The following PRDM16 variants were observed in gnomAD, a reference collection of about 807,000 sequenced individuals.
PRDM16 encodes histone-lysine N-methyltransferase PRDM16.
In PRDM16, 23 loss-of-function variants were observed where a neutral mutation model predicts 110.6. The observed-to-expected ratio is 0.21, with a 90% CI of 0.15 to 0.29. The LOEUF (loss-of-function observed/expected upper bound fraction) is 0.29, where lower values mean the gene tolerates loss of function less well. PRDM16 is among the 10% of genes least tolerant of loss of function. The pLI is 1.00. For synonymous variants in PRDM16, 799 were observed against 781.8 expected, an observed-to-expected ratio of 1.02 and a Z score of -0.37; for missense variants, 1,615 against 1,794.3, an observed-to-expected ratio of 0.90 and a Z score of 1.81.
At chr1:3,344,180 A>G (rs1570107800) in intron 3 of PRDM16, among the ~76,000 whole-genome samples, 3 of 152,282 alleles carry the variant, frequency 2.0e-5, no homozygotes, top group Admixed American at 2.0e-4. Flanking sequence ...CTACAAAAAC[A>G]TTAAACAATT....
At chr1:3,247,068 C>T (rs947342282) in intron 3 of PRDM16, among the ~76,000 whole-genome samples, 1 of 152,080 alleles carries the variant, frequency 6.6e-6, no homozygotes. Context: ...AGGATGAGAA[C>T]TCTGGTTTAG....
Position 3,411,593 on chromosome 1 carries a change from A to G in PRDM16, c.1396A>G (p.Ser466Gly). The change falls in exon 9 of 17, where the codon AGC becomes GGC. Residue 466 changes from serine (S) to glycine (G), a missense_variant. Ser to Gly is a moderately conservative substitution (Grantham distance 56). Coordinates refer to ENST00000270722, the MANE Select transcript of PRDM16 (RefSeq NM_022114.4). ...TGCCCCGGGCCTGCCCTTGACCCCC[A>G]GCCCCATGATGGACAAGGCAAAACC... ...IFAPGLPLTPSPMMDKAKPSP... is the reference protein window; with the variant it reads ...IFAPGLPLTPGPMMDKAKPSP... The G allele has an allele frequency of 6.2e-7, 1 of 1,613,950 alleles. No homozygotes were observed. The highest frequency in any genetic ancestry group is 8.5e-7 in the Non-Finnish European group (1 of 1,179,986).
chr1:3,252,466 G>A (rs1173362614), intron 3 of PRDM16, among the ~76,000 whole-genome samples: 2 of 152,194 alleles, frequency 1.3e-5, no homozygotes, highest in Non-Finnish European at 2.9e-5. Context: ...GGCCTCATGT[G>A]CCCAGTGGGG....
chr1:3,242,143 G>A (rs1266357388), intron 2 of PRDM16, among the ~76,000 whole-genome samples: 3 of 152,226 alleles, frequency 2.0e-5, no homozygotes, highest in Non-Finnish European at 4.4e-5. Context: ...GCTCTGGGTG[G>A]GTACGTGGGT....
chr1:3,183,007 C>T (rs1166742456), intron 1 of PRDM16, among the ~76,000 whole-genome samples: 2 of 152,188 alleles, frequency 1.3e-5, no homozygotes, highest in African/African-American at 4.8e-5. Context: ...GCCTCAGTAC[C>T]CTGGAATGAG....
At chr1:3,187,390 C>T (rs909127633) in intron 2 of PRDM16, among the ~76,000 whole-genome samples, 2 of 152,200 alleles carry the variant, frequency 1.3e-5, no homozygotes, top group South Asian at 2.1e-4. Flanking sequence ...GTGGGCTCCT[C>T]ATGGGCAAAT....
At chr1:3,276,709 G>GAGCCAGCGAGGGGTGCCGTGAACAT in intron 3 of PRDM16, among the ~76,000 whole-genome samples, 1 of 152,038 alleles carries the variant, frequency 6.6e-6, no homozygotes, top group Non-Finnish European at 1.5e-5. Flanking sequence ...GCCGTGAACA[G>GAGCCAGCGAGGGGTGCCGTGAACAT]AGCCAGCGAG....
At chr1:3,181,730 G>GGTCTTACACACGCA (rs1557510253) in intron 1 of PRDM16, among the ~76,000 whole-genome samples, 5 of 119,846 alleles carry the variant, frequency 4.2e-5, no homozygotes, top group African/African-American at 9.6e-5. Flanking sequence ...TCTTACACAC[G>GGTCTTACACACGCA]GTCTTACACA....
chr1:3,073,931 G>A (rs1002288461), intron 1 of PRDM16, among the ~76,000 whole-genome samples: 1 of 152,218 alleles, frequency 6.6e-6, no homozygotes, highest in African/African-American at 2.4e-5. Context: ...GACACCGTGG[G>A]CGCCAGGCCC....
rs933722230 is a variant in PRDM16 at position 3,435,329 on chromosome 1, G to A, written c.*1518G>A. ...TTGTGAAGAAATAATGTTAATATAA[G>A]TATCTGGTGAAGGACCAAAACCGTG... On this transcript the variant is annotated 3_prime_UTR_variant, in exon 17 of 17. Coordinates refer to ENST00000270722, the MANE Select transcript of PRDM16 (RefSeq NM_022114.4). The A allele has an allele frequency of 2.6e-5, 6 of 228,808 alleles. No individual in the cohort carries two copies. The highest frequency in any genetic ancestry group is 4.4e-5 in the African/African-American group (2 of 45,004). The allele number at this position is 228,808 out of a possible 1,614,324, so 14.2% of individuals were successfully genotyped here.
chr1:3,130,228 G>A (rs1262344758), intron 1 of PRDM16, among the ~76,000 whole-genome samples: 5 of 152,306 alleles, frequency 3.3e-5, no homozygotes, highest in East Asian at 3.9e-4. Context: ...CCTGGAGGCC[G>A]ACTGCCAGAG....
At chr1:3,247,657 G>C (rs547271865) in intron 3 of PRDM16, among the ~76,000 whole-genome samples, 1 of 152,360 alleles carries the variant, frequency 6.6e-6, no homozygotes, top group East Asian at 1.9e-4. Flanking sequence ...TCACTCCGCA[G>C]CCCTTGCGCC....
intron 1 of PRDM16, among the ~76,000 whole-genome samples, chr1:3,139,643 C>T (rs57522453): frequency 0.2 from 29,798 of 151,902 alleles, 3,554 homozygotes; most frequent in East Asian, 0.45. Context: ...TCCTGTTCTC[C>T]GGGGCCCGGC....
intron 3 of PRDM16, among the ~76,000 whole-genome samples, chr1:3,264,191 G>A (rs566560067): frequency 2.6e-5 from 4 of 152,352 alleles, no homozygotes; most frequent in East Asian, 3.9e-4. Context: ...TATGGAGTCC[G>A]AAAATGGGGC....
At chr1:3,363,166 T>C (rs1264814579) in intron 3 of PRDM16, among the ~76,000 whole-genome samples, 5 of 150,938 alleles carry the variant, frequency 3.3e-5, no homozygotes, top group Non-Finnish European at 5.9e-5. Flanking sequence ...AGCCCGGGGG[T>C]CGGGTGGTAA....
At chr1:3,118,079 G>A (rs998546787) in intron 1 of PRDM16, among the ~76,000 whole-genome samples, 11 of 150,994 alleles carry the variant, frequency 7.3e-5, no homozygotes, top group Non-Finnish European at 1.0e-4. Flanking sequence ...GTGTGTGTGC[G>A]TGCATGTGTA....
chr1:3,146,069 C>T (rs189308438), intron 1 of PRDM16, among the ~76,000 whole-genome samples: 5 of 152,314 alleles, frequency 3.3e-5, no homozygotes, highest in African/African-American at 9.6e-5. Flanking sequence ...AGGGTTTGGC[C>T]GAGCAGGAAA....
intron 1 of PRDM16, among the ~76,000 whole-genome samples, chr1:3,129,992 C>G (rs1469297199): frequency 6.6e-6 from 1 of 152,228 alleles, no homozygotes; most frequent in East Asian, 1.9e-4. Flanking sequence ...AGGCGACCAG[C>G]TGGGCTGGGA....
intron 3 of PRDM16, among the ~76,000 whole-genome samples, chr1:3,341,087 T>A (rs958230929): frequency 3.3e-5 from 5 of 150,460 alleles, no homozygotes; most frequent in African/African-American, 1.2e-4. Flanking sequence ...TTTCTCCCCC[T>A]CTGAGCCCTC....
Sources: gnomAD v4.1 joint callset for allele counts (sites outside exome capture counted in the v4.1 genomes callset) on GRCh38, gnomAD v4.1.1 for gene constraint, MANE v1.5 for transcripts, NCBI Gene and HGNC (gene_info 2026-07-23, HGNC 2026-07-21) for gene names.